GNAQ: variants seen among roughly 807,000 people sequenced by gnomAD.
The protein encoded by GNAQ is G protein subunit alpha q, also known as guanine nucleotide-binding protein G(q) subunit alpha.
Under a neutral mutation model 43.9 loss-of-function variants are expected in GNAQ, and 8 were observed. That is an observed-to-expected ratio of 0.18 (90% CI 0.11 to 0.33). The LOEUF (loss-of-function observed/expected upper bound fraction) is 0.33. Among genes scored for constraint, GNAQ ranks in the 10% least tolerant of loss-of-function variants. The probability of loss-of-function intolerance (pLI) is 1.00; values close to 1 mark genes in which losing one functional copy is unlikely to be tolerated. For missense variants in GNAQ, 158 were observed against 450.8 expected, an observed-to-expected ratio of 0.35 and a Z score of 5.88; for synonymous variants, 155 against 170.7, an observed-to-expected ratio of 0.91 and a Z score of 0.71.
At chr9:77,971,754 A>G (rs1823239519) in intron 1 of GNAQ, among the ~76,000 whole-genome samples, 1 of 152,214 alleles carries the variant, frequency 6.6e-6, no homozygotes, top group South Asian at 2.1e-4. Context: ...ACTCCTATTC[A>G]ATATAGTATT....
intron 2 of GNAQ, among the ~76,000 whole-genome samples, chr9:77,912,601 CAAAA>C (rs1302699104): frequency 6.6e-6 from 1 of 151,912 alleles, no homozygotes; most frequent in Non-Finnish European, 1.5e-5. Context: ...ATTAAGAAAA[CAAAA>C]AGCCACAAAA....
At chr9:77,779,314 A>ATTT (rs1386399375) in intron 5 of GNAQ, among the ~76,000 whole-genome samples, 2 of 152,138 alleles carry the variant, frequency 1.3e-5, no homozygotes, top group East Asian at 3.9e-4. Context: ...ACAGTTCTAC[A>ATTT]TAACACATGG....
intron 2 of GNAQ, among the ~76,000 whole-genome samples, chr9:77,848,854 G>T (rs1396054237): frequency 6.6e-6 from 1 of 152,110 alleles, no homozygotes; most frequent in Non-Finnish European, 1.5e-5. Context: ...AAGAACACAA[G>T]CAACACTAAA....
chr9:78,019,542 A>C (rs1275006828), intron 1 of GNAQ, among the ~76,000 whole-genome samples: 1 of 152,258 alleles, frequency 6.6e-6, no homozygotes, highest in Non-Finnish European at 1.5e-5. Context: ...TGCACTACTG[A>C]GTTTTTCTCT....
intron 1 of GNAQ, among the ~76,000 whole-genome samples, chr9:77,947,902 G>C (rs951150765): frequency 6.6e-6 from 1 of 152,092 alleles, no homozygotes; most frequent in African/African-American, 2.4e-5. Flanking sequence ...ACAGCTGTGG[G>C]ACCTAGAGCA....
At chr9:77,984,030 C>T (rs1156393995) in intron 1 of GNAQ, among the ~76,000 whole-genome samples, 1 of 87,682 alleles carries the variant, frequency 1.1e-5, no homozygotes, top group African/African-American at 4.6e-5. Flanking sequence ...GCAGCATATG[C>T]AAGTAGAATT....
chr9:77,912,053 T>A (rs887767142), intron 2 of GNAQ, among the ~76,000 whole-genome samples: 2 of 152,064 alleles, frequency 1.3e-5, no homozygotes, highest in South Asian at 2.1e-4. Context: ...GTTAAAAAAA[T>A]GCTCTTCTTT....
chr9:77,895,232 C>T (rs991784510), intron 2 of GNAQ, among the ~76,000 whole-genome samples: 11 of 151,490 alleles, frequency 7.3e-5, no homozygotes, highest in African/African-American at 2.4e-4. Context: ...CAGCAAACAT[C>T]GACTCTGTGC....
In GNAQ at chr9:77,913,287, GATATAATTATATAT is replaced by G. The variant is rs1828839175; in HGVS notation, c.321+8860_321+8873del. Among the ~76,000 whole-genome samples the G allele has an allele frequency of 5.6e-5, 5 of 89,350 alleles. No homozygotes were observed. In the South Asian group the frequency reaches 2.5e-3, roughly 44 times the overall value. 58.6% of individuals were successfully genotyped at this position (89,350 alleles called of 152,430 possible). A position where few individuals can be genotyped will look rare whatever the true frequency, so the allele number is the denominator to read the frequency against. On this transcript the variant is annotated intron_variant, in intron 2 of 6. Transcript: ENST00000286548. ...CCAGAAATGCCCAAATTTATAATAG[GATATAATTATATAT>G]ATATAATTATAACAAATTATAGCAT...
At chr9:78,015,414 A>C (rs995591116) in intron 1 of GNAQ, among the ~76,000 whole-genome samples, 2 of 152,220 alleles carry the variant, frequency 1.3e-5, no homozygotes, top group African/African-American at 2.4e-5. Context: ...TACATAGAGC[A>C]AAATTTCTGG....
At chr9:77,749,552 A>G (rs937665488) in intron 5 of GNAQ, among the ~76,000 whole-genome samples, 1 of 152,222 alleles carries the variant, frequency 6.6e-6, no homozygotes, top group Non-Finnish European at 1.5e-5. Flanking sequence ...TACTAAATGC[A>G]TATAATTTTT....
chr9:77,888,491 G>A lies in GNAQ; in HGVS notation c.321+33670C>T, dbSNP rs551083402. On this transcript the variant is annotated intron_variant, in intron 2 of 6. Transcript: ENST00000286548. ...CAGAGTGGGGTAAATGCAGCAAGGA[G>A]AAAAGTGGCTTGCTATAAGAGTGAA... Among the ~76,000 whole-genome samples the A allele has an allele frequency of 2.0e-5, 3 of 152,202 alleles. No homozygotes were observed. In the East Asian group the frequency reaches 5.8e-4, roughly 29 times the overall value.
chr9:77,826,028 C>T (rs1170861247), intron 2 of GNAQ, among the ~76,000 whole-genome samples: 1 of 152,130 alleles, frequency 6.6e-6, no homozygotes, highest in African/African-American at 2.4e-5. Context: ...AACAGATGTC[C>T]TAATTCTCTT....
intron 2 of GNAQ, among the ~76,000 whole-genome samples, chr9:77,852,361 C>T (rs1267610322): frequency 6.6e-6 from 1 of 152,182 alleles, no homozygotes; most frequent in African/African-American, 2.4e-5. Context: ...CTCAGAGCTC[C>T]AAGGCATAAG....
intron 5 of GNAQ, among the ~76,000 whole-genome samples, 184 bp downstream of exon 5, chr9:77,794,279 C>T (rs1479941051): frequency 6.6e-6 from 1 of 152,116 alleles, no homozygotes. Flanking sequence ...AACACAAAGA[C>T]CTGCTCACAC....
At chr9:77,796,819 T>A (rs1024804449) in intron 4 of GNAQ, among the ~76,000 whole-genome samples, 1 of 152,180 alleles carries the variant, frequency 6.6e-6, no homozygotes, top group Non-Finnish European at 1.5e-5. Context: ...ACTACTTAAT[T>A]TCTGTGATTG....
intron 1 of GNAQ, among the ~76,000 whole-genome samples, chr9:77,952,291 T>A (rs1822991343): frequency 6.6e-6 from 1 of 152,208 alleles, no homozygotes; most frequent in African/African-American, 2.4e-5. Context: ...ACCCAACAGT[T>A]CTACAAAACA....
At chr9:77,730,960 T>TC (rs1461218220) in intron 5 of GNAQ, among the ~76,000 whole-genome samples, 1 of 152,206 alleles carries the variant, frequency 6.6e-6, no homozygotes, top group Non-Finnish European at 1.5e-5. Flanking sequence ...GTTTTTCTTT[T>TC]TAACCCCTTA....
intron 5 of GNAQ, among the ~76,000 whole-genome samples, chr9:77,771,041 A>G (rs1355720207): frequency 2.6e-5 from 4 of 152,196 alleles, no homozygotes; most frequent in Non-Finnish European, 5.9e-5. Context: ...TTGGAGGTTA[A>G]GTGGGTCTAT....
Sources: gnomAD v4.1 joint callset for allele counts (sites outside exome capture counted in the v4.1 genomes callset) on GRCh38, gnomAD v4.1.1 for gene constraint, MANE v1.5 for transcripts, NCBI Gene and HGNC (gene_info 2026-07-23, HGNC 2026-07-21) for gene names.